Variants in C17orf113 observed in about 807,000 individuals in gnomAD.
C17orf113 encodes the protein chromosome 17 open reading frame 113.
A neutral mutation model predicts 11.6 loss-of-function variants in C17orf113; 5 were observed. The observed-to-expected ratio is 0.43, with a 90% confidence interval of 0.23 to 0.91. The LOEUF (loss-of-function observed/expected upper bound fraction) is 0.91, where lower values mean the gene tolerates loss of function less well. Among genes scored for constraint, C17orf113 ranks in the 40% least tolerant of loss-of-function variants. The pLI, the probability that C17orf113 is intolerant of heterozygous loss-of-function variation, is 0.26. For missense variants in C17orf113, 714 were observed against 841.3 expected, an observed-to-expected ratio of 0.85 and a Z score of 1.87; for synonymous variants, 327 against 390.6, an observed-to-expected ratio of 0.84 and a Z score of 1.92.
intron 1 of C17orf113, 139 bp from the exon 2 acceptor site, chr17:42,043,702 G>A (rs1447820107): frequency 8.3e-6 from 2 of 239,618 alleles, no homozygotes; most frequent in African/African-American, 4.5e-5. Flanking sequence ...AGGGGCTCTG[G>A]GCAGTGGGTG....
intron 2 of C17orf113, among the ~76,000 whole-genome samples, chr17:42,041,594 A>T (rs908475751): frequency 6.6e-6 from 1 of 152,068 alleles, no homozygotes; most frequent in Non-Finnish European, 1.5e-5. Context: ...TAGTTTTTTC[A>T]CTGTGTTTTT....
At chr17:42,048,688 T>G (rs2053221334) in intron 1 of C17orf113, among the ~76,000 whole-genome samples, 1 of 152,126 alleles carries the variant, frequency 6.6e-6, no homozygotes, top group Non-Finnish European at 1.5e-5. Context: ...ACCTGCTCCA[T>G]CCATAGGTCT....
chr17:42,043,279 CA>C lies in C17orf113; in HGVS notation c.97del (p.Trp33GlyfsTer10). ...CTTCCGCTCATAGTCAAAGTCCAGC[CA>C]GGTAAACTCCTCTTTCCAGTGCTCG... is the stretch of plus-strand genomic sequence containing the variant. ...FNEHWKEEFT[W>X]LDFDYERKLM... On this transcript the variant is annotated frameshift_variant, in exon 2 of 3. Coordinates refer to ENST00000587304, the MANE Select transcript of C17orf113 (RefSeq NM_001358661.2). LOFTEE classifies it high-confidence loss of function. 2.4e-6 allele frequency: 3 copies of C among 1,232,278 alleles called. No homozygotes were observed. The highest frequency in any genetic ancestry group is 3.0e-6 in the Non-Finnish European group (3 of 988,018). 76.3% of individuals were successfully genotyped at this position (1,232,278 alleles called of 1,614,324 possible). A position where few individuals can be genotyped will look rare whatever the true frequency, so the allele number is the denominator to read the frequency against.
rs1555655982 is a variant in C17orf113 at position 42,040,260 on chromosome 17, C to T, written c.1473G>A (p.Arg491=). 8.1e-7 allele frequency: 1 copy of T among 1,231,514 alleles called. No homozygotes were observed. Among genetic ancestry groups the T allele is most frequent in the East Asian group, 3.2e-5 (1 of 31,712 alleles). The allele number at this position is 1,231,514 out of a possible 1,614,324, so 76.3% of individuals were successfully genotyped here. A position where few individuals can be genotyped will look rare whatever the true frequency, so the allele number is the denominator to read the frequency against. ...TCCGCATGGAGTCCAGGAAGGATCC[C>T]CGGAGCCACTCCAAGCCCCGGACCG... ...EAAVRGLEWL[R]GSFLDSMRKG... The change falls in exon 3 of 3, where the codon CGG becomes CGA. Residue 491 remains arginine, a synonymous_variant. Coordinates refer to ENST00000587304, the MANE Select transcript of C17orf113 (RefSeq NM_001358661.2).
At chr17:42,049,066 C>T (rs138735675) in intron 1 of C17orf113, among the ~76,000 whole-genome samples, 1 of 152,278 alleles carries the variant, frequency 6.6e-6, no homozygotes, top group African/African-American at 2.4e-5. Flanking sequence ...CTGGTGGCCA[C>T]TTGTGTCTCC....
intron 1 of C17orf113, among the ~76,000 whole-genome samples, chr17:42,047,812 C>G (rs1225409470): frequency 6.6e-6 from 1 of 151,916 alleles, no homozygotes; most frequent in Non-Finnish European, 1.5e-5. Flanking sequence ...CACCACCATG[C>G]CCAGCTAATT....
chr17:42,041,291 G>A (rs2053015096), intron 2 of C17orf113, 102 bp from the exon 3 acceptor site: 2 of 1,035,948 alleles, frequency 1.9e-6, no homozygotes, highest in Admixed American at 4.3e-5. Flanking sequence ...CAGGCCTTGA[G>A]GTTAGACAGA....
intron 1 of C17orf113, among the ~76,000 whole-genome samples, chr17:42,045,390 C>T (rs1387866061): frequency 5.9e-5 from 9 of 152,268 alleles, no homozygotes; most frequent in Non-Finnish European, 1.3e-4. Flanking sequence ...CCTGTGTCCT[C>T]GTCTTCATGC....
Position 42,045,482 on chromosome 17 carries a change from G to A in C17orf113, c.-187-1919C>T, listed in dbSNP as rs533248170. On this transcript the variant is annotated intron_variant, in intron 1 of 2. Transcript: ENST00000587304. ...CAACGATCCAGGGTCAGACCCAGAT[G>A]ACTCTCTGTGGCTGAGATATTATCC... Among the ~76,000 whole-genome samples, 36 of 152,358 alleles carry A rather than the reference G, an allele frequency of 2.4e-4. No homozygotes were observed. The South Asian group carries it at 7.5e-3, about 32-fold the overall frequency.
Position 42,040,263 on chromosome 17 carries a change from G to C in C17orf113, c.1470C>G (p.Leu490=). The change falls in exon 3 of 3, where the codon CTC becomes CTG. Residue 490 remains leucine (L), a synonymous_variant. Coordinates refer to ENST00000587304, the MANE Select transcript of C17orf113 (RefSeq NM_001358661.2). The stretch of plus-strand genomic sequence containing the variant: ...GCATGGAGTCCAGGAAGGATCCCCG[G>C]AGCCACTCCAAGCCCCGGACCGCAG... ...SEAAVRGLEW[L]RGSFLDSMRK... 1 of 1,231,644 alleles carries C rather than the reference G, an allele frequency of 8.1e-7. No individual in the cohort carries two copies. Among genetic ancestry groups the C allele is most frequent in the Non-Finnish European group, 1.0e-6 (1 of 987,888 alleles). 76.3% of individuals were successfully genotyped at this position (1,231,644 alleles called of 1,614,324 possible). A position where few individuals can be genotyped will look rare whatever the true frequency, so the allele number is the denominator to read the frequency against.
intron 1 of C17orf113, among the ~76,000 whole-genome samples, chr17:42,045,581 A>G (rs1173181685): frequency 6.6e-6 from 1 of 152,248 alleles, no homozygotes; most frequent in African/African-American, 2.4e-5. Flanking sequence ...TAAGTAGCTG[A>G]GGCTCAATCA....
rs1164784342 is a variant in C17orf113, at chr17:42,043,453, C to T, written c.-77G>A. 3.4e-6 allele frequency: 4 copies of T among 1,187,118 alleles called. No homozygotes were observed. In the African/African-American group the frequency reaches 6.3e-5, roughly 19 times the overall value. 73.5% of individuals were successfully genotyped at this position (1,187,118 alleles called of 1,614,324 possible). On this transcript the variant is annotated 5_prime_UTR_variant, in exon 2 of 3. Coordinates refer to ENST00000587304, the MANE Select transcript of C17orf113 (RefSeq NM_001358661.2). Reference sequence around the variant, plus strand: ...CCCTGCCTCCCCCACACACAGGCACCTCCCTTGACAAGGAGAGTTGATGGG... The same window carrying T: ...CCCTGCCTCCCCCACACACAGGCACTTCCCTTGACAAGGAGAGTTGATGGG...
Position 42,040,236 on chromosome 17 carries a change from C to G in C17orf113, c.1497G>C (p.Arg499=), listed in dbSNP as rs575615780. ...CGGGGTAGGAGTCCTGTAGGCCCTT[C>G]CGCATGGAGTCCAGGAAGGATCCCC... ...WLRGSFLDSM[R]KGLQDSYPGP... is the part of the protein sequence containing the mutation. The change falls in exon 3 of 3, where the codon CGG becomes CGC. Residue 499 remains arginine, a synonymous_variant. Transcript: ENST00000587304. 1 of 1,231,490 alleles carries G rather than the reference C, an allele frequency of 8.1e-7. No individual in the cohort carries two copies. The highest frequency in any genetic ancestry group is 1.0e-6 in the Non-Finnish European group (1 of 987,852). The allele number at this position is 1,231,490 out of a possible 1,614,324, so 76.3% of individuals were successfully genotyped here.
chr17:42,046,286 A>C (rs2143709230), intron 1 of C17orf113, among the ~76,000 whole-genome samples: 1 of 152,138 alleles, frequency 6.6e-6, no homozygotes, highest in Admixed American at 6.6e-5. Context: ...TCTCAGTAAA[A>C]GTTGGTTGTT....
intron 2 of C17orf113, among the ~76,000 whole-genome samples, 174 bp downstream of exon 2, chr17:42,042,660 C>A (rs1033370756): frequency 6.6e-6 from 1 of 152,234 alleles, no homozygotes; most frequent in African/African-American, 2.4e-5. Flanking sequence ...TGTTGTATCC[C>A]TGCAGCTGGC....
At position 42,040,935 on chromosome 17, in the gene C17orf113, C is replaced by A; in HGVS notation, c.798G>T (p.Leu266=). The change falls in exon 3 of 3, where the codon CTG becomes CTT. Residue 266 remains leucine (L), a synonymous_variant. Coordinates refer to ENST00000587304, the MANE Select transcript of C17orf113 (RefSeq NM_001358661.2). ...TGGGGAGGCTTGAGCTGAGCCAGGC[C>A]AGCTTGGGTGCAGATACGCCGAAAG... ...LQAFGVSAPK[L]AWLSSSLPSE... is the part of the protein sequence containing the mutation. 1 of 1,232,216 alleles carries A rather than the reference C, an allele frequency of 8.1e-7. No individual in the cohort carries two copies. Among genetic ancestry groups the A allele is most frequent in the Non-Finnish European group, 1.0e-6 (1 of 988,006 alleles). The allele number at this position is 1,232,216 out of a possible 1,614,324, so 76.3% of individuals were successfully genotyped here.
chr17:42,047,538 G>A (rs1039805440), intron 1 of C17orf113, among the ~76,000 whole-genome samples: 13 of 152,104 alleles, frequency 8.5e-5, no homozygotes, highest in South Asian at 2.1e-4. Flanking sequence ...GCCCTGTGTG[G>A]AACCAGCACA....
At chr17:42,041,700 A>G (rs1276811689) in intron 2 of C17orf113, among the ~76,000 whole-genome samples, 1 of 151,994 alleles carries the variant, frequency 6.6e-6, no homozygotes, top group African/African-American at 2.4e-5. Flanking sequence ...CCAACTCCCA[A>G]CCAGTCACCC....
Position 42,040,528 on chromosome 17 carries a change from TG to T in C17orf113, c.1204del (p.His402ThrfsTer31). ...AGAGGGCAGGGCATCCAGCAGCAGGTGGGTGAAGGCCACGAAGGTGAACTGG... is the reference window on the plus strand; with the variant it reads ...AGAGGGCAGGGCATCCAGCAGCAGGTGGTGAAGGCCACGAAGGTGAACTGG... ...LRQFTFVAFT[H>X]LLLDALPSVQ... On this transcript the variant is annotated frameshift_variant, in exon 3 of 3. Transcript: ENST00000587304. LOFTEE classifies it low-confidence loss of function (END_TRUNC). 1 of 1,232,716 alleles carries T rather than the reference TG, an allele frequency of 8.1e-7. No homozygotes were observed. The highest frequency in any genetic ancestry group is 1.0e-6 in the Non-Finnish European group (1 of 988,504). The allele number at this position is 1,232,716 out of a possible 1,614,324, so 76.4% of individuals were successfully genotyped here.
Sources: gnomAD v4.1 joint callset for allele counts (sites outside exome capture counted in the v4.1 genomes callset) on GRCh38, gnomAD v4.1.1 for gene constraint, MANE v1.5 for transcripts, NCBI Gene and HGNC (gene_info 2026-07-23, HGNC 2026-07-21) for gene names.